PCDHGA5: variants seen among roughly 807,000 people sequenced by gnomAD.
The protein encoded by PCDHGA5 is protocadherin gamma subfamily A, 5.
PCDHGA5 carries 36 observed loss-of-function variants against 56.7 expected under a neutral mutation model. The ratio of observed to expected loss-of-function variants is 0.64; its 90% CI spans 0.49 to 0.84. The LOEUF is 0.84. Ranked by LOEUF, PCDHGA5 falls within the 40% of genes least tolerant of loss-of-function variation. The pLI, the probability that PCDHGA5 is intolerant of heterozygous loss-of-function variation, is 0.00. For synonymous variants in PCDHGA5, 563 were observed against 520.2 expected, an observed-to-expected ratio of 1.08 and a Z score of -1.12; for missense variants, 1,305 against 1,201.5, an observed-to-expected ratio of 1.09 and a Z score of -1.27.
chr5:141,454,675 G>A (rs973403044), intron 1 of PCDHGA5, among the ~76,000 whole-genome samples: 8 of 151,764 alleles, frequency 5.3e-5, no homozygotes, highest in Non-Finnish European at 1.0e-4. Context: ...CAAAACACTG[G>A]GATTACAGGC....
intron 1 of PCDHGA5, among the ~76,000 whole-genome samples, chr5:141,481,426 A>T (rs1431602618): frequency 6.6e-6 from 1 of 152,238 alleles, no homozygotes; most frequent in Non-Finnish European, 1.5e-5. Context: ...TGTGATGATG[A>T]TTGTATCAGT....
chr5:141,379,313 AG>A (rs1433876569), intron 1 of PCDHGA5: 2 of 152,264 alleles, frequency 1.3e-5, no homozygotes, highest in Non-Finnish European at 2.9e-5. Context: ...CCTAAACAAG[AG>A]ATCTAATCAT....
intron 1 of PCDHGA5, among the ~76,000 whole-genome samples, chr5:141,425,048 T>C (rs1590618422): frequency 6.6e-6 from 1 of 152,350 alleles, no homozygotes; most frequent in African/African-American, 2.4e-5. Flanking sequence ...AAACTGACTA[T>C]CTAGGGCTCG....
intron 1 of PCDHGA5, chr5:141,383,874 T>C: frequency 1.2e-6 from 2 of 1,614,012 alleles, no homozygotes; most frequent in Non-Finnish European, 1.7e-6. Context: ...AAGATGGTCC[T>C]GGTAGTCTGA....
At chr5:141,410,147 G>T in intron 1 of PCDHGA5, 1 of 1,612,952 alleles carries the variant, frequency 6.2e-7, no homozygotes, top group Non-Finnish European at 8.5e-7. Flanking sequence ...TGTGCGTGAC[G>T]GTGGACAGCC....
Position 141,505,374 on chromosome 5 carries a change from C to T in PCDHGA5, c.2481-19C>T. The T allele has an allele frequency of 2.5e-6, 4 of 1,614,004 alleles. No homozygotes were observed. Among genetic ancestry groups the T allele is most frequent in the Non-Finnish European group, 2.5e-6 (3 of 1,179,944 alleles). On this transcript the variant is annotated intron_variant, in intron 2 of 3. Coordinates refer to ENST00000518069, the MANE Select transcript of PCDHGA5 (RefSeq NM_018918.3). Reference sequence around the variant, plus strand: ...TGCCGGCCTGGGAGTCTGTGCTCACCATCCTACTCTCTCCCCAGCTCCCAA... The same window carrying T: ...TGCCGGCCTGGGAGTCTGTGCTCACTATCCTACTCTCTCCCCAGCTCCCAA...
intron 1 of PCDHGA5, among the ~76,000 whole-genome samples, chr5:141,462,009 G>C (rs2099028674): frequency 6.6e-6 from 1 of 152,190 alleles, no homozygotes; most frequent in Non-Finnish European, 1.5e-5. Flanking sequence ...TTTTAATAGA[G>C]ACGGGGTTTC....
At chr5:141,427,525 C>T (rs779318429) in intron 1 of PCDHGA5, 9 of 611,980 alleles carry the variant, frequency 1.5e-5, no homozygotes, top group South Asian at 3.0e-5. Flanking sequence ...GAGCGGATCC[C>T]GGAGTACAAC....
intron 1 of PCDHGA5, among the ~76,000 whole-genome samples, chr5:141,381,074 T>C (rs1776971630): frequency 6.6e-6 from 1 of 152,250 alleles, no homozygotes; most frequent in Non-Finnish European, 1.5e-5. Flanking sequence ...AACTATGGAT[T>C]ATTTTGATAG....
At chr5:141,380,483 A>G (rs1460206090) in intron 1 of PCDHGA5, among the ~76,000 whole-genome samples, 1 of 152,208 alleles carries the variant, frequency 6.6e-6, no homozygotes, top group Non-Finnish European at 1.5e-5. Flanking sequence ...TCTTCCCAAT[A>G]TCTCAGTCAA....
chr5:141,423,141 G>A, intron 1 of PCDHGA5: 1 of 1,613,580 alleles, frequency 6.2e-7, no homozygotes, highest in Non-Finnish European at 8.5e-7. Context: ...ACAGAGACGC[G>A]CTCAAGCAGA....
Position 141,476,658 on chromosome 5 carries a change from C to A in PCDHGA5, c.2422-18149C>A, listed in dbSNP as rs182518072. On this transcript the variant is annotated intron_variant, in intron 1 of 3. Transcript: ENST00000518069. The surrounding 1 kb of genome is among the most constrained non-coding windows in gnomAD (Gnocchi z 7.6). ...GAGCTGAGCCGAAATGAATACTTTGCGCTTCGCGTGCAGACGCGGGAGGAC... is the reference window on the plus strand; with the variant it reads ...GAGCTGAGCCGAAATGAATACTTTGAGCTTCGCGTGCAGACGCGGGAGGAC... 2 of 1,614,244 alleles carry A rather than the reference C, an allele frequency of 1.2e-6. No homozygotes were observed. The highest frequency in any genetic ancestry group is 2.2e-5 in the East Asian group (1 of 44,878).
In PCDHGA5 at chr5:141,511,106, G is replaced by A. The variant is rs536900646; in HGVS notation, c.2729G>A (p.Arg910Gln). 4.6e-5 allele frequency: 75 copies of A among 1,614,196 alleles called. No individual in the cohort carries two copies. In the East Asian group the frequency reaches 5.8e-4, roughly 12 times the overall value. Reference protein sequence around the residue: ...NATLTNAAGKRDGKAPAGGNG... With the variant: ...NATLTNAAGKQDGKAPAGGNG... ...ACACTGACCAACGCAGCTGGCAAGC[G>A]GGATGGCAAGGCCCCAGCAGGTGGC... The change falls in exon 4 of 4, where the codon CGG (arginine) becomes CAG (glutamine). Residue 910 changes from arginine (R) to glutamine (Q), a missense_variant. Coordinates refer to ENST00000518069, the MANE Select transcript of PCDHGA5 (RefSeq NM_018918.3).
At position 141,392,919 on chromosome 5, in the gene PCDHGA5, C is replaced by T. The variant is rs1220575114; in HGVS notation, c.2421+26168C>T. On this transcript the variant is annotated intron_variant, in intron 1 of 3. Coordinates refer to ENST00000518069, the MANE Select transcript of PCDHGA5 (RefSeq NM_018918.3). The stretch of plus-strand genomic sequence containing the variant: ...GAGGGGACAGATTCGCTACTCTGTG[C>T]CAGAAGAGACGGACAAAGGCTCCTT... 5.0e-6 allele frequency: 8 copies of T among 1,613,762 alleles called. No individual in the cohort carries two copies. The African/African-American group carries it at 1.1e-4, about 22-fold the overall frequency.
intron 1 of PCDHGA5, chr5:141,376,397 C>T (rs761002002): frequency 6.8e-6 from 11 of 1,614,110 alleles, no homozygotes; most frequent in South Asian, 3.3e-5. Flanking sequence ...GATTTTCCCC[C>T]AGCCCAACTA....
At chr5:141,389,860 A>G (rs1274502656) in intron 1 of PCDHGA5, 2 of 1,614,052 alleles carry the variant, frequency 1.2e-6, no homozygotes, top group African/African-American at 2.7e-5. Flanking sequence ...GCCACGTTGC[A>G]CCTGGTCTTC....
chr5:141,409,942 C>G, intron 1 of PCDHGA5: 2 of 1,613,284 alleles, frequency 1.2e-6, no homozygotes, highest in Non-Finnish European at 1.7e-6. Context: ...TGGTACCTCG[C>G]TCTGCAGAGC....
rs2099748179 is a variant in PCDHGA5 at position 141,493,421 on chromosome 5, T to G, written c.2422-1386T>G. Among the ~76,000 whole-genome samples the G allele has an allele frequency of 6.6e-6, 1 of 152,182 alleles. No individual in the cohort carries two copies. Among genetic ancestry groups the G allele is most frequent in the South Asian group, 2.1e-4 (1 of 4,830 alleles). On this transcript the variant is annotated intron_variant, in intron 1 of 3. Coordinates refer to ENST00000518069, the MANE Select transcript of PCDHGA5 (RefSeq NM_018918.3). The surrounding 1 kb of genome is among the most constrained non-coding windows in gnomAD (Gnocchi z 4.3). Reference sequence around the variant, plus strand: ...GGAGTTGCCTCTGCTGGGATTTTGCTTCTGCTGGGATGGGGCAAGGGTGGG... The same window carrying G: ...GGAGTTGCCTCTGCTGGGATTTTGCGTCTGCTGGGATGGGGCAAGGGTGGG...
intron 1 of PCDHGA5, chr5:141,383,563 C>T: frequency 6.2e-7 from 1 of 1,613,152 alleles, no homozygotes; most frequent in South Asian, 1.1e-5. Context: ...CGACCCGCCC[C>T]GATCCAGCAC....
Sources: gnomAD v4.1 joint callset for allele counts (sites outside exome capture counted in the v4.1 genomes callset) on GRCh38, gnomAD v4.1.1 for gene constraint, Gnocchi (gnomAD v3.1) non-coding constraint, MANE v1.5 for transcripts, NCBI Gene and HGNC (gene_info 2026-07-23, HGNC 2026-07-21) for gene names.